The following EPHA6 variants were observed in gnomAD, a reference collection of about 807,000 sequenced individuals.
EPHA6 encodes the protein ephrin type-A receptor 6.
In EPHA6, 50 loss-of-function variants were observed where a neutral mutation model predicts 112.0. The observed-to-expected ratio is 0.45, with a 90% CI of 0.36 to 0.56. The LOEUF (loss-of-function observed/expected upper bound fraction) is 0.56, where lower values mean the gene tolerates loss of function less well. EPHA6 is among the 20% of genes least tolerant of loss of function. The pLI is 0.00. For synonymous variants in EPHA6, 529 were observed against 490.7 expected (o/e 1.08, Z -1.03); for missense variants, 1,280 against 1,417.4 (o/e 0.90, Z 1.56).
At chr3:97,003,144 G>A (rs1046381076) in intron 3 of EPHA6, among the ~76,000 whole-genome samples, 1 of 151,990 alleles carries the variant, frequency 6.6e-6, no homozygotes, top group African/African-American at 2.4e-5. Flanking sequence ...TTTCACTCTT[G>A]TCGCCCAGGC....
chr3:97,062,171 T>C (rs546856730), intron 3 of EPHA6, among the ~76,000 whole-genome samples: 2 of 152,282 alleles, frequency 1.3e-5, no homozygotes, highest in African/African-American at 4.8e-5. Flanking sequence ...TGATATAATA[T>C]AACATGTTTA....
At chr3:97,366,096 G>GGTATTGTTGTTTTCGCTTAT in intron 5 of EPHA6, among the ~76,000 whole-genome samples, 1 of 152,000 alleles carries the variant, frequency 6.6e-6, no homozygotes, top group Admixed American at 6.6e-5. Flanking sequence ...AATTCTGTAC[G>GGTATTGTTGTTTTCGCTTAT]GTATTGTTGT....
rs116034346 is a variant in EPHA6 at position 97,224,231 on chromosome 3, A to G, written c.1115-2033A>G. 9.3e-3 allele frequency among the ~76,000 whole-genome samples: 1,413 copies of G among 152,292 alleles called. 20 individuals carry two copies. Among genetic ancestry groups the G allele is most frequent in the African/African-American group, 0.032 (1,328 of 41,582 alleles). ...GTGTCTCACTTTATATTGCTGTTAG[A>G]CACAGTGTATTTAGAAGATCACTCT... is the stretch of plus-strand genomic sequence containing the variant. On this transcript the variant is annotated intron_variant, in intron 3 of 17. Transcript: ENST00000389672.
At chr3:97,389,048 T>C (rs1301643742) in intron 5 of EPHA6, among the ~76,000 whole-genome samples, 2 of 152,224 alleles carry the variant, frequency 1.3e-5, no homozygotes, top group Non-Finnish European at 2.9e-5. Flanking sequence ...AAGATTTGGC[T>C]TCCTTAAGAA....
chr3:96,981,478 C>T (rs778965804), intron 2 of EPHA6, among the ~76,000 whole-genome samples: 2 of 151,726 alleles, frequency 1.3e-5, no homozygotes, highest in African/African-American at 4.8e-5. Context: ...ATTTTTGCAT[C>T]GATGTTCATC....
chr3:97,520,731 A>G (rs1486337929), intron 10 of EPHA6, among the ~76,000 whole-genome samples: 2 of 152,188 alleles, frequency 1.3e-5, no homozygotes, highest in South Asian at 2.1e-4. Context: ...TAAGCCTCCC[A>G]TGTCTGGATG....
intron 10 of EPHA6, among the ~76,000 whole-genome samples, chr3:97,518,853 T>C (rs1480002743): frequency 6.6e-6 from 1 of 152,088 alleles, no homozygotes; most frequent in Non-Finnish European, 1.5e-5. Context: ...TTGTTTTGTT[T>C]TGTTTTTTGG....
chr3:96,893,830 G>T (rs183447513), intron 2 of EPHA6, among the ~76,000 whole-genome samples: 246 of 152,280 alleles, frequency 1.6e-3, no homozygotes, highest in Non-Finnish European at 2.8e-3. Flanking sequence ...TGAATTTACT[G>T]CTAGCTCTGG....
intron 3 of EPHA6, among the ~76,000 whole-genome samples, chr3:97,106,202 C>T (rs1198811252): frequency 1.3e-5 from 2 of 151,970 alleles, no homozygotes; most frequent in Non-Finnish European, 2.9e-5. Flanking sequence ...TAATTATTGT[C>T]ATTGGCATGA....
At chr3:96,997,738 G>A (rs995307582) in intron 3 of EPHA6, among the ~76,000 whole-genome samples, 2 of 151,958 alleles carry the variant, frequency 1.3e-5, no homozygotes, top group Admixed American at 6.6e-5. Flanking sequence ...TACATTACAT[G>A]TAATAAGGAT....
At chr3:96,989,530 G>T (rs963577430) in intron 3 of EPHA6, among the ~76,000 whole-genome samples, 1 of 152,142 alleles carries the variant, frequency 6.6e-6, no homozygotes, top group African/African-American at 2.4e-5. Context: ...ACATTGGAAA[G>T]TGCATGTATT....
At chr3:97,066,354 TAA>T (rs2046178752) in intron 3 of EPHA6, among the ~76,000 whole-genome samples, 1 of 152,114 alleles carries the variant, frequency 6.6e-6, no homozygotes, top group Non-Finnish European at 1.5e-5. Context: ...ATTTCTCTAA[TAA>T]ATACTAGATA....
chr3:97,229,025 A>G (rs2078444176), intron 4 of EPHA6, among the ~76,000 whole-genome samples: 1 of 152,092 alleles, frequency 6.6e-6, no homozygotes, highest in African/African-American at 2.4e-5. Context: ...TCTTCTTTTG[A>G]GAATTGTCTA....
At position 97,554,558 on chromosome 3, in the gene EPHA6, G is replaced by T. The variant is rs117246390; in HGVS notation, c.2386+22015G>T. ...ATGGCAATACAAAGCTTTTTGGTGG[G>T]TCCATAATCAGGGGGTGGCCAGGTT... On this transcript the variant is annotated intron_variant, in intron 11 of 17. Coordinates refer to ENST00000389672, the MANE Select transcript of EPHA6 (RefSeq NM_001080448.3). 7.8e-4 allele frequency among the ~76,000 whole-genome samples: 118 copies of T among 152,108 alleles called. 4 individuals carry two copies. The East Asian group carries it at 0.022, about 29-fold the overall frequency.
chr3:97,391,835 C>T (rs2086415832), intron 5 of EPHA6, among the ~76,000 whole-genome samples: 1 of 151,840 alleles, frequency 6.6e-6, no homozygotes, highest in Admixed American at 6.6e-5. Flanking sequence ...TGGGAACTCT[C>T]TTCTAAAATG....
At chr3:97,529,456 C>T (rs1391378095) in intron 10 of EPHA6, among the ~76,000 whole-genome samples, 2 of 151,928 alleles carry the variant, frequency 1.3e-5, no homozygotes, top group African/African-American at 4.8e-5. Context: ...GTAATTAATA[C>T]AGTATTCCTA....
At chr3:97,184,504 C>T (rs1306675349) in intron 3 of EPHA6, among the ~76,000 whole-genome samples, 1 of 152,120 alleles carries the variant, frequency 6.6e-6, no homozygotes, top group Non-Finnish European at 1.5e-5. Flanking sequence ...ATCCAACTTA[C>T]AAGGGACATG....
At position 97,666,997 on chromosome 3, in the gene EPHA6, C is replaced by T. The variant is rs998891393; in HGVS notation, c.2784+28915C>T. ...TTCTAAGTAGTTTGTGTTTTAAGTA[C>T]TTTCTCATCTACCTCTTTTTATTAA... On this transcript the variant is annotated intron_variant, in intron 14 of 17. Coordinates refer to ENST00000389672, the MANE Select transcript of EPHA6 (RefSeq NM_001080448.3). 2.0e-5 allele frequency among the ~76,000 whole-genome samples: 3 copies of T among 152,136 alleles called. No individual in the cohort carries two copies. In the South Asian group the frequency reaches 6.2e-4, roughly 32 times the overall value.
At chr3:97,637,502 G>T (rs975393606) in intron 13 of EPHA6, among the ~76,000 whole-genome samples, 1 of 151,970 alleles carries the variant, frequency 6.6e-6, no homozygotes, top group Admixed American at 6.6e-5. Context: ...CTGGTTCAAA[G>T]CTCACAGCTA....
Sources: allele counts gnomAD v4.1 joint callset (sites outside exome capture counted in the v4.1 genomes callset), GRCh38; gene constraint gnomAD v4.1.1; transcripts MANE v1.5; gene names NCBI Gene and HGNC (gene_info 2026-07-23, HGNC 2026-07-21).